MTNR1A: variants seen among roughly 807,000 people sequenced by gnomAD.
The protein encoded by MTNR1A is melatonin receptor type 1A.
MTNR1A carries 7 observed loss-of-function variants against 5.5 expected under a neutral mutation model. The ratio of observed to expected loss-of-function variants is 1.28; its 90% CI spans 0.73 to 2.40. MTNR1A has a LOEUF of 2.40. Ranked by LOEUF, MTNR1A falls within the 30% of genes most tolerant of loss-of-function variation. MTNR1A has a pLI of 0.00. For missense variants in MTNR1A, 441 were observed against 464.4 expected, an observed-to-expected ratio of 0.95 and a Z score of 0.46; for synonymous variants, 196 against 202.7, an observed-to-expected ratio of 0.97 and a Z score of 0.28.
chr4:186,552,167 G>C (rs1395117246), intron 1 of MTNR1A, among the ~76,000 whole-genome samples: 6 of 152,164 alleles, frequency 3.9e-5, no homozygotes, highest in Non-Finnish European at 8.8e-5. Flanking sequence ...GGTTGTGCTT[G>C]TTCTGTTTCT....
intron 1 of MTNR1A, among the ~76,000 whole-genome samples, chr4:186,542,466 C>A (rs2111376545): frequency 6.6e-6 from 1 of 152,284 alleles, no homozygotes; most frequent in South Asian, 2.1e-4. Flanking sequence ...CCTGGGAATT[C>A]ACTGCCCTTA....
intron 1 of MTNR1A, among the ~76,000 whole-genome samples, chr4:186,538,911 C>A (rs1025664635): frequency 6.6e-6 from 1 of 151,990 alleles, no homozygotes; most frequent in Non-Finnish European, 1.5e-5. Flanking sequence ...CCTGCAGGGG[C>A]AAAAGAATTC....
At chr4:186,535,307 T>C (rs963752327) in intron 1 of MTNR1A, among the ~76,000 whole-genome samples, 2 of 152,024 alleles carry the variant, frequency 1.3e-5, no homozygotes, top group Non-Finnish European at 2.9e-5. Context: ...TTAGATCTTA[T>C]AAAGAACTTA....
intron 1 of MTNR1A, among the ~76,000 whole-genome samples, chr4:186,551,232 C>T (rs879510992): frequency 6.6e-5 from 10 of 152,104 alleles, no homozygotes; most frequent in Non-Finnish European, 1.3e-4. Flanking sequence ...AGCTGAATAT[C>T]GAAATAATCA....
At chr4:186,548,400 G>T (rs1190050388) in intron 1 of MTNR1A, among the ~76,000 whole-genome samples, 1 of 151,962 alleles carries the variant, frequency 6.6e-6, no homozygotes, top group African/African-American at 2.4e-5. Flanking sequence ...TTAAAACTTT[G>T]ACTCTATTTT....
At chr4:186,549,807 A>G (rs962973023) in intron 1 of MTNR1A, among the ~76,000 whole-genome samples, 4 of 152,164 alleles carry the variant, frequency 2.6e-5, no homozygotes, top group Non-Finnish European at 5.9e-5. Flanking sequence ...AAATTTACCA[A>G]CCATTTACAT....
intron 1 of MTNR1A, among the ~76,000 whole-genome samples, chr4:186,548,839 A>G (rs1256256531): frequency 2.3e-5 from 2 of 86,356 alleles, no homozygotes; most frequent in African/African-American, 1.1e-4. Context: ...ATATATATAT[A>G]TATATATACA....
intron 1 of MTNR1A, among the ~76,000 whole-genome samples, chr4:186,539,734 TC>T (rs949128997): frequency 6.6e-6 from 1 of 152,206 alleles, no homozygotes; most frequent in African/African-American, 2.4e-5. Flanking sequence ...ATTTTGGGCT[TC>T]CCAGCCTCCA....
At chr4:186,543,424 C>T (rs1378540293) in intron 1 of MTNR1A, among the ~76,000 whole-genome samples, 1 of 152,202 alleles carries the variant, frequency 6.6e-6, no homozygotes, top group African/African-American at 2.4e-5. Context: ...AGCCAGAGGG[C>T]AGAGGAAATG....
chr4:186,552,806 A>G (rs1175912052), intron 1 of MTNR1A, among the ~76,000 whole-genome samples: 1 of 152,214 alleles, frequency 6.6e-6, no homozygotes, highest in East Asian at 1.9e-4. Flanking sequence ...ATCGTCCCTT[A>G]TGCTATCAAA....
chr4:186,535,040 G>GCC (rs1736814477), intron 1 of MTNR1A, among the ~76,000 whole-genome samples: 3 of 152,156 alleles, frequency 2.0e-5, no homozygotes, highest in Non-Finnish European at 4.4e-5. Context: ...GGGCAAGAGG[G>GCC]ATCTGTCGTC....
At chr4:186,546,640 C>T (rs753676624) in intron 1 of MTNR1A, among the ~76,000 whole-genome samples, 2 of 150,230 alleles carry the variant, frequency 1.3e-5, no homozygotes, top group African/African-American at 4.9e-5. Context: ...CCATCCGCCT[C>T]GCTCCCTGTT....
chr4:186,553,642 G>A lies in MTNR1A; in HGVS notation c.184+1540C>T, dbSNP rs1254084780. 3.9e-5 allele frequency among the ~76,000 whole-genome samples: 6 copies of A among 152,190 alleles called. 1 individual carries two copies. Among genetic ancestry groups the A allele is most frequent in the Admixed American group, 1.3e-4 (2 of 15,276 alleles). On this transcript the variant is annotated intron_variant, in intron 1 of 1. Coordinates refer to ENST00000307161, the MANE Select transcript of MTNR1A (RefSeq NM_005958.4). ...TTCTCCTGCCTCAGGCTTCCAAGTA[G>A]TTGGGATTACAGCTGTGGGCCACCA...
chr4:186,550,818 T>A (rs1737252997), intron 1 of MTNR1A, among the ~76,000 whole-genome samples: 1 of 152,118 alleles, frequency 6.6e-6, no homozygotes, highest in Non-Finnish European at 1.5e-5. Flanking sequence ...TATTTGAGAG[T>A]CTGAAACTAC....
At chr4:186,538,109 A>C (rs536487946) in intron 1 of MTNR1A, among the ~76,000 whole-genome samples, 1 of 152,350 alleles carries the variant, frequency 6.6e-6, no homozygotes, top group African/African-American at 2.4e-5. Flanking sequence ...TCTGGGAATG[A>C]CACAGCAGCA....
At chr4:186,542,082 C>T in intron 1 of MTNR1A, among the ~76,000 whole-genome samples, 1 of 152,212 alleles carries the variant, frequency 6.6e-6, no homozygotes, top group East Asian at 1.9e-4. Context: ...TTCATGAGCT[C>T]AGCATCAGAT....
chr4:186,552,304 C>T (rs1737280536), intron 1 of MTNR1A, among the ~76,000 whole-genome samples: 1 of 152,164 alleles, frequency 6.6e-6, no homozygotes, highest in Non-Finnish European at 1.5e-5. Context: ...ACCAGTATCA[C>T]AGTTTTGTGG....
chr4:186,555,076 T>G lies in MTNR1A; in HGVS notation c.184+106A>C. On this transcript the variant is annotated intron_variant, in intron 1 of 1. Transcript: ENST00000307161. This position sits in a 1 kb window ranked among gnomAD's most constrained non-coding sequence, Gnocchi z 4.1. ...CTCTAACAGGAAAAATAACTCCAAG[T>G]CCGCAGTGTTTAGGAAAAAGAACCA... The G allele has an allele frequency of 8.1e-7, 1 of 1,235,158 alleles. No homozygotes were observed. Among genetic ancestry groups the G allele is most frequent in the South Asian group, 1.3e-5 (1 of 76,498 alleles). The allele number at this position is 1,235,158 out of a possible 1,614,324, so 76.5% of individuals were successfully genotyped here. A position where few individuals can be genotyped will look rare whatever the true frequency, so the allele number is the denominator to read the frequency against.
At chr4:186,552,357 A>G (rs1354005777) in intron 1 of MTNR1A, among the ~76,000 whole-genome samples, 6 of 152,154 alleles carry the variant, frequency 3.9e-5, no homozygotes, top group Admixed American at 3.9e-4. Context: ...AGAGCCTGTC[A>G]TTTTTGCTAA....
Sources: gnomAD v4.1 joint callset for allele counts (sites outside exome capture counted in the v4.1 genomes callset) on GRCh38, gnomAD v4.1.1 for gene constraint, Gnocchi (gnomAD v3.1) non-coding constraint, MANE v1.5 for transcripts, NCBI Gene and HGNC (gene_info 2026-07-23, HGNC 2026-07-21) for gene names.